Variants in ZSWIM5 observed in about 807,000 individuals in gnomAD.
ZSWIM5 encodes zinc finger SWIM domain-containing protein 5.
In ZSWIM5, 55 loss-of-function variants were observed where a neutral mutation model predicts 119.6. The observed-to-expected ratio is 0.46, with a 90% CI of 0.37 to 0.58. The LOEUF (loss-of-function observed/expected upper bound fraction) is 0.58, where lower values mean the gene tolerates loss of function less well. ZSWIM5 is among the 20% of genes least tolerant of loss of function. The pLI is 0.00. For missense variants in ZSWIM5, 1,193 were observed against 1,512.8 expected, an observed-to-expected ratio of 0.79 and a Z score of 3.51; for synonymous variants, 537 against 606.9, an observed-to-expected ratio of 0.88 and a Z score of 1.69.
rs373514918 is a variant in ZSWIM5, at chr1:45,036,344, A to C, written c.1895-45T>G. The C allele has an allele frequency of 5.7e-5, 86 of 1,507,908 alleles. No individual in the cohort carries two copies. In the African/African-American group the frequency reaches 1.0e-3, roughly 18 times the overall value. The allele number at this position is 1,507,908 out of a possible 1,614,324, so 93.4% of individuals were successfully genotyped here. ...AAATTCTTTAGGTTAGGCTTGGTAGAGTCTTCTTTCTTTTTTTTTTTTTTT... is the reference window on the plus strand; with the variant it reads ...AAATTCTTTAGGTTAGGCTTGGTAGCGTCTTCTTTCTTTTTTTTTTTTTTT... On this transcript the variant is annotated intron_variant, in intron 8 of 13. Transcript: ENST00000359600.
chr1:45,092,250 T>C (rs1348868059), intron 1 of ZSWIM5, among the ~76,000 whole-genome samples: 1 of 152,160 alleles, frequency 6.6e-6, no homozygotes, highest in African/African-American at 2.4e-5. Context: ...TGTCACAGTT[T>C]TATGAATTTG....
At chr1:45,073,291 G>C (rs1443820191) in intron 2 of ZSWIM5, among the ~76,000 whole-genome samples, 1 of 107,114 alleles carries the variant, frequency 9.3e-6, no homozygotes, top group Non-Finnish European at 1.7e-5. Context: ...GAGTCTCACT[G>C]TTGTTGCCCT....
chr1:45,049,836 G>A (rs1055558418), intron 5 of ZSWIM5, among the ~76,000 whole-genome samples: 2 of 151,986 alleles, frequency 1.3e-5, no homozygotes, highest in African/African-American at 4.8e-5. Context: ...CCCTCTCTAT[G>A]CTATCCAAAG....
rs1480793277 is a variant in ZSWIM5, at chr1:45,204,301, C to A, written c.595+1455G>T. On this transcript the variant is annotated intron_variant, in intron 1 of 13. Transcript: ENST00000359600. ...CGAAACTCAGAAAAATTAAAATTTACAGACTAATAGGAAAATGATTGTATT... is the reference window on the plus strand; with the variant it reads ...CGAAACTCAGAAAAATTAAAATTTAAAGACTAATAGGAAAATGATTGTATT... 3.9e-5 allele frequency among the ~76,000 whole-genome samples: 6 copies of A among 152,156 alleles called. No individual in the cohort carries two copies. In the Middle Eastern group the frequency reaches 0.014, roughly 345 times the overall value.
At chr1:45,204,847 C>G (rs942594382) in intron 1 of ZSWIM5, among the ~76,000 whole-genome samples, 8 of 152,108 alleles carry the variant, frequency 5.3e-5, no homozygotes, top group African/African-American at 1.9e-4. Flanking sequence ...TTCCACATAG[C>G]AAAGTCAATG....
chr1:45,020,709 G>C lies in ZSWIM5; in HGVS notation c.2529C>G (p.Ala843=). ...IHSSSLIFKL[A]QDAFKIATPT... ...GAGTAGCAATCTTGAATGCATCTTGGGCCAGTTTGAAGATGAGGGAGGAAG... is the reference window on the plus strand; with the variant it reads ...GAGTAGCAATCTTGAATGCATCTTGCGCCAGTTTGAAGATGAGGGAGGAAG... The change falls in exon 12 of 14, where the codon GCC becomes GCG. Residue 843 remains alanine, a synonymous_variant. Transcript: ENST00000359600. 1.2e-6 allele frequency: 2 copies of C among 1,614,030 alleles called. No homozygotes were observed. The highest frequency in any genetic ancestry group is 2.2e-5 in the South Asian group (2 of 91,072).
In ZSWIM5 at chr1:45,205,804, C is replaced by A; in HGVS notation, c.547G>T (p.Gly183Cys). The A allele has an allele frequency of 7.1e-6, 11 of 1,549,550 alleles. No individual in the cohort carries two copies. Among genetic ancestry groups the A allele is most frequent in the Non-Finnish European group, 9.5e-6 (11 of 1,152,482 alleles). The change falls in exon 1 of 14, where the codon GGC (glycine) becomes TGC (cysteine). Residue 183 changes from glycine to cysteine, a missense_variant. Gly to Cys is a radical substitution (Grantham distance 159, BLOSUM62 -3). This residue lies in a region of ZSWIM5 where 961 missense variants were observed against 1,290.0 expected (regional missense o/e 0.74). Coordinates refer to ENST00000359600, the MANE Select transcript of ZSWIM5 (RefSeq NM_020883.2). ...CGGEGLPFRR[G>C]IRLLDSGSVE... ...GAGCCGCTGTCCAGCAGACGGATGC[C>A]CCGGCGGAACGGGAGCCCCTCGCCA...
rs562401406 is a variant in ZSWIM5, at chr1:45,201,315, T to C, written c.595+4441A>G. Reference sequence around the variant, plus strand: ...TAAGCCAATCCAGTTTGTGATACTTTGTTACAGCAGCCATAGGAAACTAAT... The same window carrying C: ...TAAGCCAATCCAGTTTGTGATACTTCGTTACAGCAGCCATAGGAAACTAAT... On this transcript the variant is annotated intron_variant, in intron 1 of 13. Transcript: ENST00000359600. 1.9e-4 allele frequency among the ~76,000 whole-genome samples: 29 copies of C among 152,322 alleles called. No homozygotes were observed. In the East Asian group the frequency reaches 5.4e-3, roughly 28 times the overall value.
intron 4 of ZSWIM5, among the ~76,000 whole-genome samples, chr1:45,055,073 G>T (rs528683219): frequency 6.6e-6 from 1 of 152,200 alleles, no homozygotes; most frequent in African/African-American, 2.4e-5. Flanking sequence ...CTCACTGCAA[G>T]CTCGCCTCCC....
intron 1 of ZSWIM5, among the ~76,000 whole-genome samples, chr1:45,180,501 C>T (rs1387807066): frequency 2.0e-5 from 3 of 152,172 alleles, no homozygotes; most frequent in Non-Finnish European, 4.4e-5. Flanking sequence ...CCTCTGGGGG[C>T]AGGGCACAGA....
chr1:45,084,253 A>C (rs1310087930), intron 2 of ZSWIM5, among the ~76,000 whole-genome samples: 1 of 152,124 alleles, frequency 6.6e-6, no homozygotes, highest in Admixed American at 6.5e-5. Flanking sequence ...CTCACTCACT[A>C]TCATGAGAAC....
intron 1 of ZSWIM5, among the ~76,000 whole-genome samples, chr1:45,184,723 C>G (rs1193448421): frequency 6.6e-6 from 1 of 152,006 alleles, no homozygotes; most frequent in East Asian, 1.9e-4. Context: ...AGGAGAACTA[C>G]CAACCACTGC....
intron 1 of ZSWIM5, among the ~76,000 whole-genome samples, chr1:45,195,241 T>A (rs1052485909): frequency 2.6e-5 from 4 of 152,184 alleles, no homozygotes; most frequent in African/African-American, 4.8e-5. Flanking sequence ...AAGTTTTTGT[T>A]TTTTTGTTTT....
At chr1:45,134,152 T>C (rs995769323) in intron 1 of ZSWIM5, among the ~76,000 whole-genome samples, 1 of 152,150 alleles carries the variant, frequency 6.6e-6, no homozygotes, top group Non-Finnish European at 1.5e-5. Context: ...GTGAAGAAAG[T>C]CACTGGTAGC....
At chr1:45,079,597 C>T (rs757362518) in intron 2 of ZSWIM5, among the ~76,000 whole-genome samples, 1 of 152,204 alleles carries the variant, frequency 6.6e-6, no homozygotes, top group African/African-American at 2.4e-5. Context: ...CAAGAGGTCA[C>T]TTGGTGCTCT....
At position 45,136,439 on chromosome 1, in the gene ZSWIM5, C is replaced by CT. The variant is rs888779333; in HGVS notation, c.596-48203dup. ...TTGGGTTTTCTTTAACTTTTTATCC[C>CT]TTTTTTTTGCTCCTACTACAGACAT... On this transcript the variant is annotated intron_variant, in intron 1 of 13. Coordinates refer to ENST00000359600, the MANE Select transcript of ZSWIM5 (RefSeq NM_020883.2). 9.2e-5 allele frequency among the ~76,000 whole-genome samples: 14 copies of CT among 151,762 alleles called. 1 individual carries two copies. Among genetic ancestry groups the CT allele is most frequent in the Admixed American group, 3.9e-4 (6 of 15,212 alleles).
chr1:45,063,167 A>G (rs867405504), intron 2 of ZSWIM5, among the ~76,000 whole-genome samples: 2 of 152,260 alleles, frequency 1.3e-5, no homozygotes, highest in South Asian at 2.1e-4. Context: ...TCTTTTTTTA[A>G]TAGCTGCATT....
chr1:45,074,132 G>T (rs1193335053), intron 2 of ZSWIM5, among the ~76,000 whole-genome samples: 1 of 151,882 alleles, frequency 6.6e-6, no homozygotes, highest in Non-Finnish European at 1.5e-5. Context: ...AATTCAGTTT[G>T]CTAGTATTTT....
rs758172357 is a variant in ZSWIM5 at position 45,087,876 on chromosome 1, A to G, written c.952+5T>C. On this transcript the variant is annotated splice_donor_5th_base_variant and intron_variant, in intron 2 of 13. Coordinates refer to ENST00000359600, the MANE Select transcript of ZSWIM5 (RefSeq NM_020883.2). ...TTTTTTTCAATAAAAAAGTTGTACAATTACCATTCACTTGGTTGATTTCTG... is the reference window on the plus strand; with the variant it reads ...TTTTTTTCAATAAAAAAGTTGTACAGTTACCATTCACTTGGTTGATTTCTG... The G allele has an allele frequency of 1.9e-6, 3 of 1,591,822 alleles. No homozygotes were observed. In the South Asian group the frequency reaches 3.4e-5, roughly 18 times the overall value.
Sources: allele counts gnomAD v4.1 joint callset (sites outside exome capture counted in the v4.1 genomes callset), GRCh38; gene constraint gnomAD v4.1.1; regional missense constraint gnomAD v4.1.1; transcripts MANE v1.5; gene names NCBI Gene and HGNC (gene_info 2026-07-23, HGNC 2026-07-21).